SLCO4C1: variants seen among roughly 807,000 people sequenced by gnomAD.
The protein encoded by SLCO4C1 is organic anion transporter M1.
Under a neutral mutation model 72.1 loss-of-function variants are expected in SLCO4C1, and 58 were observed. The observed-to-expected ratio is 0.80, with a 90% confidence interval of 0.65 to 1.00. The LOEUF (loss-of-function observed/expected upper bound fraction) is 1.00, where lower values mean the gene tolerates loss of function less well. SLCO4C1 is among the 50% of genes least tolerant of loss of function. SLCO4C1 has a pLI of 0.00. For synonymous variants in SLCO4C1, 297 were observed against 312.5 expected, an observed-to-expected ratio of 0.95 and a Z score of 0.52; for missense variants, 898 against 857.9, an observed-to-expected ratio of 1.05 and a Z score of -0.58.
chr5:102,291,431 A>T lies in SLCO4C1; in HGVS notation c.531T>A (p.Phe177Leu). The change falls in exon 2 of 13, where the codon TTT becomes TTA. Residue 177 changes from phenylalanine to leucine, a missense_variant. Coordinates refer to ENST00000310954, the MANE Select transcript of SLCO4C1 (RefSeq NM_180991.5). ...CTCCCAGTCCAATCATAAAGGCTGC[A>T]AATGCAAGCCATCTCGGCTTATGTC... is the stretch of plus-strand genomic sequence containing the variant. The part of the protein sequence containing the change: ...ERGHKPRWLA[F>L]AAFMIGLGAL... 3 of 1,614,154 alleles carry T rather than the reference A, an allele frequency of 1.9e-6. No individual in the cohort carries two copies. Among genetic ancestry groups the T allele is most frequent in the Non-Finnish European group, 2.5e-6 (3 of 1,179,980 alleles).
chr5:102,284,795 T>G (rs1369876544), intron 2 of SLCO4C1, among the ~76,000 whole-genome samples: 1 of 152,204 alleles, frequency 6.6e-6, no homozygotes, highest in African/African-American at 2.4e-5. Context: ...ACCAGCAAAC[T>G]ATAGCTTGTA....
At position 102,270,801 on chromosome 5, in the gene SLCO4C1, A is replaced by C; in HGVS notation, c.625T>G (p.Cys209Gly). Residue 209 changes from cysteine to glycine, a missense_variant, in exon 3 of 13, where the codon TGT becomes GGT. Physicochemically the swap from Cys to Gly is radical, Grantham distance 159. Transcript: ENST00000310954. ...YKLGSLFEDT[C>G]VTTRNSTSCT... ...CTGGTGCTATTCCTTGTTGTTACAC[A>C]AGTGTCTTTGTGGAAAAAAAAATTG... 1 of 1,527,452 alleles carries C rather than the reference A, an allele frequency of 6.5e-7. No homozygotes were observed. The highest frequency in any genetic ancestry group is 8.7e-7 in the Non-Finnish European group (1 of 1,145,572). 94.6% of individuals were successfully genotyped at this position (1,527,452 alleles called of 1,614,324 possible). A position where few individuals can be genotyped will look rare whatever the true frequency, so the allele number is the denominator to read the frequency against.
At chr5:102,260,182 G>GAA (rs2112359327) in intron 6 of SLCO4C1, 31 bp downstream of exon 6, 1 of 730,046 alleles carries the variant, frequency 1.4e-6, no homozygotes, top group Non-Finnish European at 1.8e-6. Context: ...GTATGAGACT[G>GAA]AGAGAGAGAC....
At position 102,290,757 on chromosome 5, in the gene SLCO4C1, T is replaced by C. The variant is rs184751406; in HGVS notation, c.619+586A>G. ...CCGTTCTGGCTCTACTATATTTGTT[T>C]TTTTATTAAAAATGTCATTGGGAAA... On this transcript the variant is annotated intron_variant, in intron 2 of 12. Coordinates refer to ENST00000310954, the MANE Select transcript of SLCO4C1 (RefSeq NM_180991.5). Among the ~76,000 whole-genome samples, 16 of 152,362 alleles carry C rather than the reference T, an allele frequency of 1.1e-4. No individual in the cohort carries two copies. In the East Asian group the frequency reaches 3.1e-3, roughly 29 times the overall value.
At chr5:102,278,077 A>AT (rs1749281368) in intron 2 of SLCO4C1, among the ~76,000 whole-genome samples, 1 of 152,152 alleles carries the variant, frequency 6.6e-6, no homozygotes, top group Non-Finnish European at 1.5e-5. Flanking sequence ...GACATAGTGA[A>AT]TAAAAAAAAC....
intron 2 of SLCO4C1, among the ~76,000 whole-genome samples, chr5:102,271,223 T>C (rs878928993): frequency 6.6e-6 from 1 of 152,152 alleles, no homozygotes; most frequent in East Asian, 1.9e-4. Flanking sequence ...CACTTAAAGC[T>C]ATATTTAAAT....
chr5:102,237,131 A>G (rs1748452151), intron 12 of SLCO4C1, 113 bp from the exon 13 acceptor site: 1 of 1,087,386 alleles, frequency 9.2e-7, no homozygotes, highest in Non-Finnish European at 1.3e-6. Context: ...TTACATAACC[A>G]TTATAGTTCT....
intron 8 of SLCO4C1, among the ~76,000 whole-genome samples, chr5:102,256,601 G>A (rs1356419117): frequency 2.6e-5 from 4 of 152,168 alleles, no homozygotes; most frequent in African/African-American, 9.7e-5. Context: ...CTAGAAACAT[G>A]TCTACAGGTG....
At chr5:102,251,787 T>A (rs931432543) in intron 8 of SLCO4C1, among the ~76,000 whole-genome samples, 3 of 152,046 alleles carry the variant, frequency 2.0e-5, no homozygotes, top group African/African-American at 7.2e-5. Context: ...ACCACGAACA[T>A]TTATAAGATC....
At chr5:102,293,991 C>T (rs1275955104) in intron 1 of SLCO4C1, among the ~76,000 whole-genome samples, 1 of 152,246 alleles carries the variant, frequency 6.6e-6, no homozygotes, top group African/African-American at 2.4e-5. Flanking sequence ...CCACTTCAAA[C>T]TCCGCCTCCT....
rs7715682 is a variant in SLCO4C1 at position 102,290,432 on chromosome 5, C to T, written c.619+911G>A. ...GGGCATTAATGTATTCATGAATGAT[C>T]CATCTCCATGACCCAAACACCTCCC... On this transcript the variant is annotated intron_variant, in intron 2 of 12. Transcript: ENST00000310954. 3.4e-3 allele frequency among the ~76,000 whole-genome samples: 518 copies of T among 152,324 alleles called. 5 individuals carry two copies. The highest frequency in any genetic ancestry group is 0.012 in the African/African-American group (498 of 41,574).
chr5:102,249,537 G>A (rs1580243022), intron 9 of SLCO4C1, 101 bp downstream of exon 9: 1 of 1,232,600 alleles, frequency 8.1e-7, no homozygotes, highest in East Asian at 2.4e-5. Context: ...AGGCAATGGA[G>A]CAGGAAGGCA....
chr5:102,237,097 A>C, intron 12 of SLCO4C1, 79 bp from the exon 13 acceptor site: 1 of 1,345,424 alleles, frequency 7.4e-7, no homozygotes, highest in Non-Finnish European at 9.9e-7. Context: ...ATCTTCATGA[A>C]TAGAACATTT....
Position 102,278,924 on chromosome 5 carries a change from G to A in SLCO4C1, c.620-8118C>T, listed in dbSNP as rs528345916. Among the ~76,000 whole-genome samples the A allele has an allele frequency of 1.1e-4, 16 of 151,212 alleles. No homozygotes were observed. The East Asian group carries it at 2.9e-3, about 27-fold the overall frequency. ...TAAAATCAATAATCTAAGCTTCCAT[G>A]TCACCCACCTAGAGAAAAATAATAA... is the stretch of plus-strand genomic sequence containing the variant. On this transcript the variant is annotated intron_variant, in intron 2 of 12. Coordinates refer to ENST00000310954, the MANE Select transcript of SLCO4C1 (RefSeq NM_180991.5).
intron 8 of SLCO4C1, among the ~76,000 whole-genome samples, chr5:102,252,028 A>AGAG (rs1362807159): frequency 2.0e-5 from 3 of 150,958 alleles, no homozygotes; most frequent in African/African-American, 7.3e-5. Context: ...AGAGGGAGGG[A>AGAG]GAGGGAAGAA....
In SLCO4C1 at chr5:102,239,296, A is replaced by G. The variant is rs768066528; in HGVS notation, c.1969T>C (p.Trp657Arg). ...INDCGIKGAC[W>R]IYDNIKMAHM... ...GCCATCTTGATGTTATCATAAATCC[A>G]GCAAGCTCCTTTAATTCCACAATCA... The change falls in exon 12 of 13, where the codon TGG becomes CGG. Residue 657 changes from tryptophan to arginine, a missense_variant. By Grantham distance (101) the Trp-to-Arg change is moderately radical. Transcript: ENST00000310954. The G allele has an allele frequency of 1.2e-6, 2 of 1,601,514 alleles. No homozygotes were observed. The highest frequency in any genetic ancestry group is 1.7e-4 in the Middle Eastern group (1 of 6,034).
chr5:102,285,258 TACACAC>T (rs1246320604), intron 2 of SLCO4C1, among the ~76,000 whole-genome samples: 1 of 147,640 alleles, frequency 6.8e-6, no homozygotes, highest in African/African-American at 2.6e-5. Context: ...CACACATATA[TACACAC>T]ACACACACAT....
intron 2 of SLCO4C1, among the ~76,000 whole-genome samples, chr5:102,283,252 G>C (rs746737742): frequency 7.9e-5 from 12 of 151,352 alleles, no homozygotes. Context: ...CCACACACCA[G>C]GCACTGCCTT....
At chr5:102,291,952 G>T in intron 1 of SLCO4C1, among the ~76,000 whole-genome samples, 1 of 151,990 alleles carries the variant, frequency 6.6e-6, no homozygotes, top group East Asian at 1.9e-4. Context: ...CTCTGGAGTA[G>T]ATGGGATTAC....
Sources: allele counts gnomAD v4.1 joint callset (sites outside exome capture counted in the v4.1 genomes callset), GRCh38; gene constraint gnomAD v4.1.1; transcripts MANE v1.5; gene names NCBI Gene and HGNC (gene_info 2026-07-23, HGNC 2026-07-21).